The following PRKN variants were observed in gnomAD, a reference collection of about 807,000 sequenced individuals.
PRKN encodes the protein parkin RBR E3 ubiquitin protein ligase.
In PRKN, 56 loss-of-function variants were observed where a neutral mutation model predicts 59.5. The ratio of observed to expected loss-of-function variants is 0.94; its 90% CI spans 0.76 to 1.18. The LOEUF (loss-of-function observed/expected upper bound fraction) is 1.18. Among genes scored for constraint, PRKN ranks in the 50% most tolerant of loss-of-function variants. The pLI, the probability that PRKN is intolerant of heterozygous loss-of-function variation, is 0.00. For missense variants in PRKN, 657 were observed against 596.4 expected (o/e 1.10, Z -1.06); for synonymous variants, 250 against 222.1 (o/e 1.13, Z -1.12).
intron 2 of PRKN, among the ~76,000 whole-genome samples, chr6:162,385,866 T>TA (rs887742223): frequency 9.5e-5 from 14 of 148,146 alleles, no homozygotes; most frequent in East Asian, 2.0e-4. Flanking sequence ...GTTTTTTCCC[T>TA]AAAAAAAAAA....
intron 9 of PRKN, among the ~76,000 whole-genome samples, chr6:161,532,253 T>G (rs505555): frequency 0.81 from 122,134 of 151,200 alleles, 49,552 homozygotes; most frequent in Middle Eastern, 0.87. Context: ...CTAGAGACTG[T>G]GATTTGTGTA....
intron 3 of PRKN, among the ~76,000 whole-genome samples, chr6:162,212,926 C>T (rs1777450435): frequency 6.6e-6 from 1 of 152,096 alleles, no homozygotes; most frequent in Non-Finnish European, 1.5e-5. Flanking sequence ...ATTATGAGGG[C>T]TATGATATGA....
At position 161,766,314 on chromosome 6, in the gene PRKN, A is replaced by ATTTTTTTTTTTTTTTT. The variant is rs758294050; in HGVS notation, c.871+19457_871+19458insAAAAAAAAAAAAAAAA. Among the ~76,000 whole-genome samples, 2 of 139,606 alleles carry ATTTTTTTTTTTTTTTT rather than the reference A, an allele frequency of 1.4e-5. 1 individual carries two copies. Among genetic ancestry groups the ATTTTTTTTTTTTTTTT allele is most frequent in the African/African-American group, 5.4e-5 (2 of 37,262 alleles). 91.6% of individuals were successfully genotyped at this position (139,606 alleles called of 152,430 possible). ...ACTTATGCCTGCTGTCATTGACCAC[A>ATTTTTTTTTTTTTTTT]TTTTTTTTTTTTTAGACAGAGTCTC... On this transcript the variant is annotated intron_variant, in intron 7 of 11. Transcript: ENST00000366898.
At chr6:162,119,994 T>C (rs1008351011) in intron 4 of PRKN, among the ~76,000 whole-genome samples, 1 of 152,178 alleles carries the variant, frequency 6.6e-6, no homozygotes, top group Non-Finnish European at 1.5e-5. Flanking sequence ...CAGGCCAAAA[T>C]AGAAGTTCTC....
intron 6 of PRKN, among the ~76,000 whole-genome samples, chr6:161,962,834 C>T (rs911592545): frequency 1.3e-5 from 2 of 151,852 alleles, no homozygotes; most frequent in Non-Finnish European, 2.9e-5. Context: ...CTCACCCGGC[C>T]GCTCCATCTT....
rs1785885975 is a variant in PRKN at position 161,379,727 on chromosome 6, C to A, written c.1167+7067G>T. Among the ~76,000 whole-genome samples the A allele has an allele frequency of 6.6e-6, 1 of 152,210 alleles. No homozygotes were observed. The highest frequency in any genetic ancestry group is 1.5e-5 in the Non-Finnish European group (1 of 68,024). On this transcript the variant is annotated intron_variant, in intron 10 of 11. Transcript: ENST00000366898. The surrounding 1 kb of genome is among the most constrained non-coding windows in gnomAD (Gnocchi z 4.9). ...ATGCACAACAACTCAGAAGGCTCAT[C>A]CAGCTCCAGAGCTCCTTCTAGGACC...
chr6:162,185,839 C>T (rs576406875), intron 4 of PRKN, among the ~76,000 whole-genome samples: 1 of 152,218 alleles, frequency 6.6e-6, no homozygotes, highest in East Asian at 1.9e-4. Flanking sequence ...TGATCCTGCA[C>T]ATTTAAAATA....
chr6:162,062,260 T>C (rs961452168), intron 4 of PRKN, among the ~76,000 whole-genome samples: 5 of 152,140 alleles, frequency 3.3e-5, no homozygotes, highest in East Asian at 1.9e-4. Flanking sequence ...CTGTTACCTA[T>C]AAATGCAACA....
intron 5 of PRKN, among the ~76,000 whole-genome samples, chr6:162,051,253 T>A (rs1337857650): frequency 6.6e-6 from 1 of 152,014 alleles, no homozygotes; most frequent in African/African-American, 2.4e-5. Context: ...CACGGAGAAT[T>A]CACACCCAGG....
chr6:162,669,323 G>A (rs749119908), intron 1 of PRKN, among the ~76,000 whole-genome samples: 8 of 151,962 alleles, frequency 5.3e-5, no homozygotes, highest in Non-Finnish European at 1.0e-4. Flanking sequence ...ACACAACATA[G>A]TTGAAGACAT....
chr6:161,698,684 G>A (rs1021863563), intron 7 of PRKN, among the ~76,000 whole-genome samples: 3 of 152,044 alleles, frequency 2.0e-5, no homozygotes, highest in Non-Finnish European at 2.9e-5. Context: ...TTGATTTTTT[G>A]ACAGAAGTAC....
At chr6:162,203,061 A>G (rs1179031432) in intron 3 of PRKN, among the ~76,000 whole-genome samples, 3 of 152,198 alleles carry the variant, frequency 2.0e-5, no homozygotes, top group African/African-American at 7.2e-5. Flanking sequence ...TTGTTGAAAG[A>G]GCATATTAGC....
At chr6:162,084,361 C>T (rs1207483954) in intron 4 of PRKN, among the ~76,000 whole-genome samples, 1 of 152,156 alleles carries the variant, frequency 6.6e-6, no homozygotes, top group African/African-American at 2.4e-5. Context: ...AACATCTGTA[C>T]ATGAAGCCCG....
intron 1 of PRKN, among the ~76,000 whole-genome samples, chr6:162,486,335 C>T (rs1036471962): frequency 1.3e-5 from 2 of 152,174 alleles, no homozygotes; most frequent in Non-Finnish European, 2.9e-5. Flanking sequence ...TCCATTTGTA[C>T]TCAATAATGC....
chr6:161,876,949 C>A (rs1389042604), intron 6 of PRKN, among the ~76,000 whole-genome samples: 2 of 152,016 alleles, frequency 1.3e-5, no homozygotes, highest in African/African-American at 2.4e-5. Context: ...ATTTGATTTG[C>A]CATTTTTCAG....
rs939271678 is a variant in PRKN at position 161,410,952 on chromosome 6, C to A, written c.1084-24075G>T. Among the ~76,000 whole-genome samples the A allele has an allele frequency of 1.3e-5, 2 of 152,180 alleles. No individual in the cohort carries two copies. The highest frequency in any genetic ancestry group is 2.4e-5 in the African/African-American group (1 of 41,424). On this transcript the variant is annotated intron_variant, in intron 9 of 11. Coordinates refer to ENST00000366898, the MANE Select transcript of PRKN (RefSeq NM_004562.3). The surrounding 1 kb of genome is among the most constrained non-coding windows in gnomAD (Gnocchi z 5.3). ...ATCTGGCTAAACAGGAAGTTTCATC[C>A]TGAAACCGGTTTCCTCAGGTGGAAG...
intron 2 of PRKN, among the ~76,000 whole-genome samples, chr6:162,414,726 A>AAAAAAAAAAAAAGT (rs34838356): frequency 0.065 from 5,939 of 91,018 alleles, 1,275 homozygotes; most frequent in East Asian, 0.29. Context: ...AAAAAAAAAA[A>AAAAAAAAAAAAAGT]AGTGAATCTT....
chr6:162,578,709 CTTGAT>C (rs1170775008), intron 1 of PRKN, among the ~76,000 whole-genome samples: 1 of 152,104 alleles, frequency 6.6e-6, no homozygotes, highest in Non-Finnish European at 1.5e-5. Flanking sequence ...TCTAAGCATT[CTTGAT>C]TTGATTTTTC....
At chr6:161,818,397 C>T (rs973135781) in intron 6 of PRKN, among the ~76,000 whole-genome samples, 2 of 151,338 alleles carry the variant, frequency 1.3e-5, no homozygotes, top group Admixed American at 6.6e-5. Flanking sequence ...TGCAGTGGTG[C>T]GATCACAGCT....
Sources: gnomAD v4.1 joint callset for allele counts (sites outside exome capture counted in the v4.1 genomes callset) on GRCh38, gnomAD v4.1.1 for gene constraint, Gnocchi (gnomAD v3.1) non-coding constraint, MANE v1.5 for transcripts, NCBI Gene and HGNC (gene_info 2026-07-23, HGNC 2026-07-21) for gene names.